Variants in ZFAND6 observed in about 807,000 individuals in gnomAD.
ZFAND6 encodes the protein zinc finger AN1-type containing 6, also known as AN1-type zinc finger protein 6.
A neutral mutation model predicts 24.5 loss-of-function variants in ZFAND6; 12 were observed. The observed-to-expected ratio is 0.49, with a 90% CI of 0.31 to 0.79. The LOEUF is 0.79. ZFAND6 is among the 30% of genes least tolerant of loss of function. ZFAND6 has a pLI of 0.04. For synonymous variants in ZFAND6, 92 were observed against 81.5 expected (o/e 1.13, Z -0.69); for missense variants, 207 against 245.9 (o/e 0.84, Z 1.06).
intron 1 of ZFAND6, among the ~76,000 whole-genome samples, chr15:80,083,030 C>A (rs894462367): frequency 6.6e-6 from 1 of 152,048 alleles, no homozygotes; most frequent in African/African-American, 2.4e-5. Context: ...CTCACTCTGT[C>A]GCCCAGGCTG....
chr15:80,084,471 G>A (rs1209224535), intron 1 of ZFAND6, among the ~76,000 whole-genome samples: 1 of 152,166 alleles, frequency 6.6e-6, no homozygotes, highest in Non-Finnish European at 1.5e-5. Flanking sequence ...TAATAACTGA[G>A]GCCTAACTGG....
At chr15:80,115,635 G>GT (rs2039839791) in intron 2 of ZFAND6, among the ~76,000 whole-genome samples, 1 of 151,270 alleles carries the variant, frequency 6.6e-6, no homozygotes, top group Non-Finnish European at 1.5e-5. Flanking sequence ...CAGTCTTTCT[G>GT]ACTCTTCATG....
intron 5 of ZFAND6, among the ~76,000 whole-genome samples, chr15:80,126,241 G>T (rs1325435657): frequency 6.6e-6 from 1 of 152,124 alleles, no homozygotes; most frequent in African/African-American, 2.4e-5. Context: ...AATCAGAGGG[G>T]GACAGTCTCT....
intron 1 of ZFAND6, among the ~76,000 whole-genome samples, chr15:80,079,118 T>A (rs1204250704): frequency 6.6e-6 from 1 of 151,986 alleles, no homozygotes; most frequent in Non-Finnish European, 1.5e-5. Flanking sequence ...TTAATGGGAT[T>A]ATTTGTTTCT....
chr15:80,117,847 T>C (rs1053057215), intron 2 of ZFAND6, among the ~76,000 whole-genome samples: 8 of 151,620 alleles, frequency 5.3e-5, no homozygotes, highest in Non-Finnish European at 1.2e-4. Context: ...TCTATTTTTT[T>C]CCCCCACAAT....
intron 1 of ZFAND6, among the ~76,000 whole-genome samples, chr15:80,065,992 A>G (rs1596174591): frequency 6.6e-6 from 1 of 152,232 alleles, no homozygotes; most frequent in South Asian, 2.1e-4. Flanking sequence ...TTATGTTTAT[A>G]TATTTAAAAA....
At chr15:80,065,537 A>ATTTTTTTTTTTTTTTTTTTTTTTTTTTT (rs149756891) in intron 1 of ZFAND6, among the ~76,000 whole-genome samples, 4 of 76,498 alleles carry the variant, frequency 5.2e-5, no homozygotes, top group African/African-American at 1.1e-4. Flanking sequence ...TTTGGTTTTG[A>ATTTTTTTTTTTTTTTTTTTTTTTTTTTT]TTTTTTTTTT....
chr15:80,132,222 A>G (rs12902696), intron 6 of ZFAND6, among the ~76,000 whole-genome samples: 12,020 of 152,250 alleles, frequency 0.079, 538 homozygotes, highest in East Asian at 0.19. Flanking sequence ...ATTTGCAGCA[A>G]TTGGAAAAAA....
rs538812421 is a variant in ZFAND6, at chr15:80,062,956, A to G, written c.-181+3147A>G. Among the ~76,000 whole-genome samples the G allele has an allele frequency of 7.9e-4, 120 of 152,346 alleles. 1 individual carries two copies. The South Asian group carries it at 0.021, about 26-fold the overall frequency. ...AATCTGCCTCACCATCTTATTTCAT[A>G]TAAGATGATAATAGAAGTCATCTGT... On this transcript the variant is annotated intron_variant, in intron 1 of 6. Coordinates refer to ENST00000261749, the MANE Select transcript of ZFAND6 (RefSeq NM_019006.4).
chr15:80,131,729 A>G (rs550401024), intron 6 of ZFAND6, among the ~76,000 whole-genome samples: 2 of 152,334 alleles, frequency 1.3e-5, no homozygotes, highest in East Asian at 3.9e-4. Flanking sequence ...AGTAATTAAT[A>G]TATGTTGGCT....
At chr15:80,089,917 A>G (rs902850106) in intron 1 of ZFAND6, among the ~76,000 whole-genome samples, 1 of 152,188 alleles carries the variant, frequency 6.6e-6, no homozygotes, top group Admixed American at 6.5e-5. Context: ...TCATGGTATC[A>G]TGTTTTATTT....
At chr15:80,115,750 A>G (rs965525827) in intron 2 of ZFAND6, among the ~76,000 whole-genome samples, 1 of 151,748 alleles carries the variant, frequency 6.6e-6, no homozygotes, top group Non-Finnish European at 1.5e-5. Context: ...TATGAAAATC[A>G]TTGTTAATTT....
At position 80,078,049 on chromosome 15, in the gene ZFAND6, A is replaced by G. The variant is rs148912181; in HGVS notation, c.-181+18240A>G. 1.1e-3 allele frequency among the ~76,000 whole-genome samples: 175 copies of G among 152,178 alleles called. 2 individuals carry two copies. The highest frequency in any genetic ancestry group is 4.0e-3 in the African/African-American group (168 of 41,544). On this transcript the variant is annotated intron_variant, in intron 1 of 6. Transcript: ENST00000261749. ...TTACTATCCATAATAGTCTTTTGCTATATTTTATTTTTTCAACTTTTATTT... is the reference window on the plus strand; with the variant it reads ...TTACTATCCATAATAGTCTTTTGCTGTATTTTATTTTTTCAACTTTTATTT...
chr15:80,122,722 T>C lies in ZFAND6; in HGVS notation c.286T>C (p.Leu96=), dbSNP rs1426073821. 1 of 1,613,620 alleles carries C rather than the reference T, an allele frequency of 6.2e-7. No homozygotes were observed. ...QPSPVSNQSL[L]SESVASSQLD... is the part of the protein sequence containing the mutation. Reference sequence around the variant, plus strand: ...TAGCCCTGTATCAAATCAGTCACTTTTATCAGAATCTGTAGCATCTTCTCA... The same window carrying C: ...TAGCCCTGTATCAAATCAGTCACTTCTATCAGAATCTGTAGCATCTTCTCA... The change falls in exon 5 of 7, where the codon TTA becomes CTA. Residue 96 remains leucine, a synonymous_variant. Coordinates refer to ENST00000261749, the MANE Select transcript of ZFAND6 (RefSeq NM_019006.4).
At chr15:80,088,328 A>C (rs2141885292) in intron 1 of ZFAND6, among the ~76,000 whole-genome samples, 1 of 152,124 alleles carries the variant, frequency 6.6e-6, no homozygotes, top group Admixed American at 6.5e-5. Context: ...CAGCACTTTT[A>C]GGGCCAAGGT....
chr15:80,099,860 G>A (rs2038942418), intron 2 of ZFAND6, among the ~76,000 whole-genome samples: 1 of 152,076 alleles, frequency 6.6e-6, no homozygotes, highest in Non-Finnish European at 1.5e-5. Context: ...CCAGTGATCT[G>A]CCTGCCTTGG....
intron 1 of ZFAND6, among the ~76,000 whole-genome samples, chr15:80,073,486 C>G (rs539670664): frequency 3.3e-5 from 5 of 151,930 alleles, no homozygotes; most frequent in African/African-American, 4.8e-5. Flanking sequence ...GTATAAATTG[C>G]AATAATCATT....
At position 80,069,887 on chromosome 15, in the gene ZFAND6, C is replaced by T. The variant is rs759964753; in HGVS notation, c.-181+10078C>T. ...CTCCGAAAGTGCTGGGATTTACAGG[C>T]GTGAGCCACCACACCTGGCCATATT... On this transcript the variant is annotated intron_variant, in intron 1 of 6. Coordinates refer to ENST00000261749, the MANE Select transcript of ZFAND6 (RefSeq NM_019006.4). Among the ~76,000 whole-genome samples, 8 of 152,116 alleles carry T rather than the reference C, an allele frequency of 5.3e-5. No homozygotes were observed. In the East Asian group the frequency reaches 5.8e-4, roughly 11 times the overall value.
At chr15:80,106,584 T>C (rs1383774696) in intron 2 of ZFAND6, among the ~76,000 whole-genome samples, 1 of 147,966 alleles carries the variant, frequency 6.8e-6, no homozygotes, top group Non-Finnish European at 1.5e-5. Context: ...ATGTTAAATT[T>C]GTTTTTTTTT....
Sources: allele counts gnomAD v4.1 joint callset (sites outside exome capture counted in the v4.1 genomes callset), GRCh38; gene constraint gnomAD v4.1.1; transcripts MANE v1.5; gene names NCBI Gene and HGNC (gene_info 2026-07-23, HGNC 2026-07-21).